Variants in YTHDF2 observed in about 807,000 individuals in gnomAD.
YTHDF2 encodes YTH domain-containing family protein 2.
In YTHDF2, 2 loss-of-function variants were observed where a neutral mutation model predicts 50.4. That is an observed-to-expected ratio of 0.04 (90% CI 0.02 to 0.12). The LOEUF (loss-of-function observed/expected upper bound fraction) is 0.12. YTHDF2 is among the 10% of genes least tolerant of loss of function. YTHDF2 has a pLI of 1.00. For missense variants in YTHDF2, 483 were observed against 722.6 expected (o/e 0.67, Z 3.80); for synonymous variants, 217 against 255.6 (o/e 0.85, Z 1.44).
intron 4 of YTHDF2, among the ~76,000 whole-genome samples, chr1:28,761,148 T>TTTC (rs2088122752): frequency 6.7e-6 from 1 of 148,842 alleles, no homozygotes; most frequent in Non-Finnish European, 1.5e-5. Flanking sequence ...TTTTTTTTTT[T>TTTC]TTTTGAGAGA....
At chr1:28,767,709 C>T (rs1049192741) in intron 4 of YTHDF2, among the ~76,000 whole-genome samples, 8 of 151,022 alleles carry the variant, frequency 5.3e-5, no homozygotes, top group Non-Finnish European at 7.4e-5. Context: ...GGGGTTTCAC[C>T]GTGTTAGCCG....
At chr1:28,754,508 C>T (rs565512927) in intron 4 of YTHDF2, among the ~76,000 whole-genome samples, 13 of 149,916 alleles carry the variant, frequency 8.7e-5, no homozygotes, top group African/African-American at 2.7e-4. Flanking sequence ...CCAGCCTGGG[C>T]GAAAGAGCGA....
intron 4 of YTHDF2, among the ~76,000 whole-genome samples, chr1:28,762,784 T>C (rs1353596063): frequency 1.3e-5 from 2 of 152,226 alleles, no homozygotes; most frequent in Non-Finnish European, 2.9e-5. Context: ...TGCCACCTTA[T>C]GGCTTTTTGT....
At chr1:28,740,685 A>G (rs1398652830) in intron 3 of YTHDF2, among the ~76,000 whole-genome samples, 1 of 152,028 alleles carries the variant, frequency 6.6e-6, no homozygotes, top group East Asian at 1.9e-4. Flanking sequence ...AAAAGACCTC[A>G]CTTTTGTTTT....
intron 2 of YTHDF2, 102 bp downstream of exon 2, chr1:28,737,784 C>G: frequency 1.4e-6 from 2 of 1,413,184 alleles, no homozygotes; most frequent in Non-Finnish European, 1.9e-6. Flanking sequence ...TTTCGGAAGC[C>G]GCTTAGTTCG....
intron 4 of YTHDF2, among the ~76,000 whole-genome samples, chr1:28,745,891 T>C (rs2087852577): frequency 6.6e-6 from 1 of 151,378 alleles, no homozygotes; most frequent in Admixed American, 6.6e-5. Context: ...AAGAAAAAAT[T>C]AGCTGGGCAT....
intron 4 of YTHDF2, among the ~76,000 whole-genome samples, chr1:28,747,541 A>G (rs2087882581): frequency 7.0e-6 from 1 of 143,558 alleles, no homozygotes; most frequent in Non-Finnish European, 1.5e-5. Context: ...AAAAAAAACC[A>G]TTCCATAAAG....
intron 4 of YTHDF2, among the ~76,000 whole-genome samples, chr1:28,752,515 C>G (rs541432668): frequency 6.6e-6 from 1 of 152,218 alleles, no homozygotes; most frequent in East Asian, 1.9e-4. Flanking sequence ...AGGCTGGTCT[C>G]GAACCCCTGA....
chr1:28,747,829 A>G (rs750654147), intron 4 of YTHDF2, among the ~76,000 whole-genome samples: 3 of 151,504 alleles, frequency 2.0e-5, no homozygotes, highest in Non-Finnish European at 4.4e-5. Context: ...CTCTCTTGTA[A>G]GAACTGCTGG....
At chr1:28,753,044 AG>A (rs2087980762) in intron 4 of YTHDF2, among the ~76,000 whole-genome samples, 1 of 151,998 alleles carries the variant, frequency 6.6e-6, no homozygotes, top group Non-Finnish European at 1.5e-5. Context: ...GACTGTCCCT[AG>A]AAAAAAAAAT....
At chr1:28,751,678 C>CT (rs1298113673) in intron 4 of YTHDF2, among the ~76,000 whole-genome samples, 1 of 152,138 alleles carries the variant, frequency 6.6e-6, no homozygotes, top group African/African-American at 2.4e-5. Context: ...TTGTATCTAT[C>CT]TTTCAACAAA....
chr1:28,767,308 T>A (rs923940654), intron 4 of YTHDF2, among the ~76,000 whole-genome samples: 3 of 152,090 alleles, frequency 2.0e-5, no homozygotes, highest in Admixed American at 6.5e-5. Context: ...CTGTTTTGAA[T>A]TTTTTCTTGA....
At chr1:28,737,891 G>T (rs2087720105) in intron 2 of YTHDF2, 2 of 617,728 alleles carry the variant, frequency 3.2e-6, no homozygotes, top group Admixed American at 3.0e-5. Flanking sequence ...TTAAGGGTGG[G>T]GGTGGATTGG....
At chr1:28,749,154 A>C (rs1319137473) in intron 4 of YTHDF2, among the ~76,000 whole-genome samples, 1 of 150,210 alleles carries the variant, frequency 6.7e-6, no homozygotes, top group East Asian at 1.9e-4. Context: ...AGAAGAAGGC[A>C]ACAGTTAAGA....
In YTHDF2 at chr1:28,737,046, G is replaced by A. The variant is rs1462970549; in HGVS notation, c.-75G>A. On this transcript the variant is annotated 5_prime_UTR_variant, in exon 1 of 5. Transcript: ENST00000373812. The stretch of plus-strand genomic sequence containing the variant: ...ACAAAAGCCTCCGCCTGCTCCCGCA[G>A]ACGGGGCTCATCTGCCGCCGCCGCC... The A allele has an allele frequency of 6.5e-7, 1 of 1,539,484 alleles. No individual in the cohort carries two copies. Among genetic ancestry groups the A allele is most frequent in the Non-Finnish European group, 8.8e-7 (1 of 1,141,498 alleles).
chr1:28,757,050 C>T (rs2088045426), intron 4 of YTHDF2, among the ~76,000 whole-genome samples: 1 of 152,186 alleles, frequency 6.6e-6, no homozygotes, highest in South Asian at 2.1e-4. Context: ...CTGCCACCTC[C>T]TGGACCAAAT....
chr1:28,737,005 C>T lies in YTHDF2; in HGVS notation c.-116C>T, dbSNP rs556695713. The T allele has an allele frequency of 3.8e-5, 50 of 1,316,494 alleles. No individual in the cohort carries two copies. The highest frequency in any genetic ancestry group is 5.3e-5 in the East Asian group (2 of 38,042). 81.6% of individuals were successfully genotyped at this position (1,316,494 alleles called of 1,614,324 possible). On this transcript the variant is annotated 5_prime_UTR_variant, in exon 1 of 5. Transcript: ENST00000373812. ...TGTGTCTCCGCTGCGTCCGCCGAGG[C>T]CCCCGAGTGTCAGGGACAAAAGCCT...
Position 28,738,216 on chromosome 1 carries a change from T to G in YTHDF2, c.53-43T>G, listed in dbSNP as rs369949659. ...TATATGAACTAATTTGAAAGGAAGATTGTAGGATTGGGACACTCCTAATTG... is the reference window on the plus strand; with the variant it reads ...TATATGAACTAATTTGAAAGGAAGAGTGTAGGATTGGGACACTCCTAATTG... On this transcript the variant is annotated intron_variant, in intron 2 of 4. Transcript: ENST00000373812. 123 of 1,478,748 alleles carry G rather than the reference T, an allele frequency of 8.3e-5. No homozygotes were observed. The African/African-American group carries it at 1.5e-3, about 18-fold the overall frequency. 91.6% of individuals were successfully genotyped at this position (1,478,748 alleles called of 1,614,324 possible).
At chr1:28,744,525 G>A (rs1441627237) in intron 4 of YTHDF2, among the ~76,000 whole-genome samples, 2 of 152,194 alleles carry the variant, frequency 1.3e-5, no homozygotes, top group Admixed American at 1.3e-4. Flanking sequence ...GGAATCTTGG[G>A]CAGAATGATG....
Sources: allele counts gnomAD v4.1 joint callset (sites outside exome capture counted in the v4.1 genomes callset), GRCh38; gene constraint gnomAD v4.1.1; transcripts MANE v1.5; gene names NCBI Gene and HGNC (gene_info 2026-07-23, HGNC 2026-07-21).